Variants in GLYAT observed in about 807,000 individuals in gnomAD.
GLYAT encodes glycine-N-acyltransferase.
In GLYAT, 25 loss-of-function variants were observed where a neutral mutation model predicts 22.8. That is an observed-to-expected ratio of 1.09 (90% CI 0.80 to 1.53). The LOEUF (loss-of-function observed/expected upper bound fraction) is 1.53. GLYAT is among the 40% of genes most tolerant of loss of function. The pLI is 0.00. For missense variants in GLYAT, 411 were observed against 353.9 expected (o/e 1.16, Z -1.29); for synonymous variants, 140 against 122.7 (o/e 1.14, Z -0.93).
Position 58,710,762 on chromosome 11 carries a change from C to A in GLYAT, c.317-1G>T. On this transcript the variant is annotated splice_acceptor_variant, in intron 4 of 5. Transcript: ENST00000344743. LOFTEE classifies it high-confidence loss of function. ...GCCTCATTCAGGCTAGGCTGTGAAC[C>A]TAGACGGTATAATAAACAGAGATGA... 4 of 1,557,428 alleles carry A rather than the reference C, an allele frequency of 2.6e-6. No individual in the cohort carries two copies. Among genetic ancestry groups the A allele is most frequent in the Non-Finnish European group, 2.7e-6 (3 of 1,128,618 alleles).
chr11:58,724,191 G>A, intron 2 of GLYAT: 1 of 445,902 alleles, frequency 2.2e-6, no homozygotes, highest in East Asian at 3.4e-5. Context: ...TTGCAACTCA[G>A]TATTTGTGAT....
intron 2 of GLYAT, 96 bp from the exon 3 acceptor site, chr11:58,715,519 T>C: frequency 1.6e-6 from 1 of 643,124 alleles, no homozygotes. Context: ...TATAAAATCA[T>C]GACATTTTAT....
rs188559882 is a variant in GLYAT, at chr11:58,720,599, A to G, written c.81+3817T>C. Among the ~76,000 whole-genome samples, 194 of 152,114 alleles carry G rather than the reference A, an allele frequency of 1.3e-3. No homozygotes were observed. The Middle Eastern group carries it at 0.02, about 16-fold the overall frequency. Reference sequence around the variant, plus strand: ...AAAGAGGATAACAGTCTTTTCCCCAAACAAACCTCCTTATTGACTGTGGAC... The same window carrying G: ...AAAGAGGATAACAGTCTTTTCCCCAGACAAACCTCCTTATTGACTGTGGAC... On this transcript the variant is annotated intron_variant, in intron 2 of 5. Transcript: ENST00000344743.
chr11:58,712,734 G>T, intron 4 of GLYAT, 26 bp downstream of exon 4: 1 of 1,607,150 alleles, frequency 6.2e-7, no homozygotes. Context: ...AAGTGAGTCA[G>T]CACACATCCC....
intron 4 of GLYAT, among the ~76,000 whole-genome samples, chr11:58,711,691 T>G (rs561330141): frequency 6.6e-6 from 1 of 152,258 alleles, no homozygotes; most frequent in Admixed American, 6.5e-5. Flanking sequence ...ACATTCCTAG[T>G]GTAATAATAT....
chr11:58,710,542 G>T lies in GLYAT; in HGVS notation c.488+48C>A, dbSNP rs761454701. Reference sequence around the variant, plus strand: ...TGAATGCAGGGAGAGAAGTTGGGAGGTTACTTGAGAGGTGTGAGTGGTATA... The same window carrying T: ...TGAATGCAGGGAGAGAAGTTGGGAGTTTACTTGAGAGGTGTGAGTGGTATA... On this transcript the variant is annotated intron_variant, in intron 5 of 5. Transcript: ENST00000344743. 16 of 1,392,154 alleles carry T rather than the reference G, an allele frequency of 1.1e-5. No individual in the cohort carries two copies. In the African/African-American group the frequency reaches 1.8e-4, roughly 16 times the overall value. 86.2% of individuals were successfully genotyped at this position (1,392,154 alleles called of 1,614,324 possible). A position where few individuals can be genotyped will look rare whatever the true frequency, so the allele number is the denominator to read the frequency against.
intron 1 of GLYAT, among the ~76,000 whole-genome samples, chr11:58,729,852 C>T (rs1343913403): frequency 6.6e-6 from 1 of 152,116 alleles, no homozygotes; most frequent in Non-Finnish European, 1.5e-5. Context: ...CTAGATGCAA[C>T]TCAGAAGGAA....
At chr11:58,727,526 C>T (rs1256489503) in intron 1 of GLYAT, among the ~76,000 whole-genome samples, 2 of 152,170 alleles carry the variant, frequency 1.3e-5, no homozygotes, top group South Asian at 4.2e-4. Flanking sequence ...AGGCTTTAGC[C>T]CTATCACTCT....
chr11:58,709,588 A>C lies in GLYAT; in HGVS notation c.*178T>G. On this transcript the variant is annotated 3_prime_UTR_variant, in exon 6 of 6. Coordinates refer to ENST00000344743, the MANE Select transcript of GLYAT (RefSeq NM_201648.3). ...GACCTGGGCCTGCTTCCCACTGAGA[A>C]ACCTGTGAATGCAGGGACCATGGCG... The C allele has an allele frequency of 1.2e-5, 7 of 603,390 alleles. No individual in the cohort carries two copies. Among genetic ancestry groups the C allele is most frequent in the African/African-American group, 1.8e-5 (1 of 54,682 alleles). 37.4% of individuals were successfully genotyped at this position (603,390 alleles called of 1,614,324 possible).
chr11:58,709,670 T>C lies in GLYAT; in HGVS notation c.*96A>G. On this transcript the variant is annotated 3_prime_UTR_variant, in exon 6 of 6. Coordinates refer to ENST00000344743, the MANE Select transcript of GLYAT (RefSeq NM_201648.3). ...GTCCAAACAGTGCCCACTCCTTTAC[T>C]GCTGATTACAATTTATTATTTCTTT... 7.5e-7 allele frequency: 1 copy of C among 1,332,856 alleles called. No individual in the cohort carries two copies. Among genetic ancestry groups the C allele is most frequent in the Non-Finnish European group, 1.0e-6 (1 of 964,742 alleles). 82.6% of individuals were successfully genotyped at this position (1,332,856 alleles called of 1,614,324 possible).
In GLYAT at chr11:58,724,434, G is replaced by T; in HGVS notation, c.63C>A (p.Ser21Arg). ...LQMLEKSLRK[S>R]LPASLKVYGT... Reference sequence around the variant, plus strand: ...TTATCACCTTTAAGGATGCTGGGAGGCTCTTCCTCAAGGATTTCTCCAGCA... The same window carrying T: ...TTATCACCTTTAAGGATGCTGGGAGTCTCTTCCTCAAGGATTTCTCCAGCA... The change falls in exon 2 of 6, where the codon AGC becomes AGA. Residue 21 changes from serine to arginine, a missense_variant. Ser to Arg is a moderately radical substitution (Grantham distance 110). Transcript: ENST00000344743. 1.3e-6 allele frequency: 2 copies of T among 1,597,620 alleles called. No homozygotes were observed. The highest frequency in any genetic ancestry group is 1.7e-6 in the Non-Finnish European group (2 of 1,166,366).
intron 1 of GLYAT, among the ~76,000 whole-genome samples, chr11:58,727,848 C>T (rs969159188): frequency 2.6e-5 from 4 of 152,066 alleles, no homozygotes; most frequent in Non-Finnish European, 5.9e-5. Flanking sequence ...GCTCACCTCT[C>T]AAGTTCTAGC....
chr11:58,716,992 G>T (rs564952632), intron 2 of GLYAT, among the ~76,000 whole-genome samples: 1 of 152,116 alleles, frequency 6.6e-6, no homozygotes, highest in South Asian at 2.1e-4. Flanking sequence ...AAATGGTTGT[G>T]TTATTTTGAG....
intron 2 of GLYAT, among the ~76,000 whole-genome samples, chr11:58,717,127 G>A (rs1187155160): frequency 6.6e-6 from 1 of 151,492 alleles, no homozygotes. Flanking sequence ...GATTTGGGGG[G>A]GCCCAAGATA....
chr11:58,710,661 T>C lies in GLYAT; in HGVS notation c.417A>G (p.Thr139=), dbSNP rs1437469072. 2 of 1,611,758 alleles carry C rather than the reference T, an allele frequency of 1.2e-6. No homozygotes were observed. The highest frequency in any genetic ancestry group is 1.7e-6 in the Non-Finnish European group (2 of 1,177,838). Residue 139 remains threonine, a synonymous_variant, in exon 5 of 6, where the codon ACA becomes ACG. Transcript: ENST00000344743. ...GCAGGAAAGGAGTCAGTTCCTTGGCTGTTTCAGCTGCCATATAGAGAATGC... is the reference window on the plus strand; with the variant it reads ...GCAGGAAAGGAGTCAGTTCCTTGGCCGTTTCAGCTGCCATATAGAGAATGC... The part of the protein sequence containing the change: ...TQRILYMAAE[T]AKELTPFLLK...
At chr11:58,724,193 A>G (rs1856785961) in intron 2 of GLYAT, 1 of 447,024 alleles carries the variant, frequency 2.2e-6, no homozygotes, top group Non-Finnish European at 4.0e-6. Context: ...GCAACTCAGT[A>G]TTTGTGATAT....
chr11:58,716,947 G>A lies in GLYAT; in HGVS notation c.82-1524C>T, dbSNP rs1057449955. 2.0e-5 allele frequency among the ~76,000 whole-genome samples: 3 copies of A among 152,246 alleles called. No homozygotes were observed. In the South Asian group the frequency reaches 6.2e-4, roughly 32 times the overall value. On this transcript the variant is annotated intron_variant, in intron 2 of 5. Transcript: ENST00000344743. ...GCAAGGGCATGAATACTTGAAGTGG[G>A]GAAGAAGCTTTCAGGTCACAGATAG...
chr11:58,722,193 T>C (rs1236003435), intron 2 of GLYAT, among the ~76,000 whole-genome samples: 1 of 152,010 alleles, frequency 6.6e-6, no homozygotes, highest in Non-Finnish European at 1.5e-5. Flanking sequence ...GCCATACTGG[T>C]ACCAAGCACC....
chr11:58,712,964 CTAAG>C, intron 3 of GLYAT, 78 bp from the exon 4 acceptor site: 1 of 892,636 alleles, frequency 1.1e-6, no homozygotes, highest in Non-Finnish European at 1.7e-6. Flanking sequence ...TGTGATATTT[CTAAG>C]TAATAAAATA....
Sources: allele counts gnomAD v4.1 joint callset (sites outside exome capture counted in the v4.1 genomes callset), GRCh38; gene constraint gnomAD v4.1.1; transcripts MANE v1.5; gene names NCBI Gene and HGNC (gene_info 2026-07-23, HGNC 2026-07-21).